SLC60A2: variants seen among roughly 807,000 people sequenced by gnomAD.
The protein encoded by SLC60A2 is major facilitator superfamily domain containing 4B.
the SLC60A2 span, chr6:111,259,626 C>T: frequency 1.3e-5 from 19 of 1,489,844 alleles, no homozygotes; most frequent in East Asian, 3.1e-4. Context: ...GGAGAATGAG[C>T]CGGAGCCGGA....
At chr6:111,274,199 C>CAT in the SLC60A2 span, among the ~76,000 whole-genome samples, 1 of 152,104 alleles carries the variant, frequency 6.6e-6, no homozygotes, top group Non-Finnish European at 1.5e-5. Context: ...GTGTTCGGTG[C>CAT]ATATATATTT....
the SLC60A2 span, among the ~76,000 whole-genome samples, chr6:111,260,575 C>T: frequency 5.9e-5 from 9 of 152,314 alleles, no homozygotes; most frequent in East Asian, 1.7e-3. Flanking sequence ...TGCCAAACCC[C>T]TGGGTCGCCA....
chr6:111,262,181 A>C, the SLC60A2 span: 1 of 1,198,490 alleles, frequency 8.3e-7, no homozygotes, highest in Non-Finnish European at 1.2e-6. Context: ...TTTTTTTTAT[A>C]GTGGAAGAAA....
chr6:111,265,475 A>G, the SLC60A2 span: 1 of 766,558 alleles, frequency 1.3e-6, no homozygotes, highest in South Asian at 5.9e-5. Context: ...AACAGCAAGT[A>G]CAGAAAGCTT....
At chr6:111,267,989 C>T in the SLC60A2 span, 1 of 152,248 alleles carries the variant, frequency 6.6e-6, no homozygotes, top group African/African-American at 2.4e-5. Context: ...CACTCTGTCA[C>T]TTAACGTAGG....
the SLC60A2 span, among the ~76,000 whole-genome samples, chr6:111,273,187 G>T: frequency 6.6e-6 from 1 of 152,184 alleles, no homozygotes; most frequent in Non-Finnish European, 1.5e-5. Context: ...GTCTTGCTCT[G>T]TTGCTCAGGC....
the SLC60A2 span, chr6:111,266,838 A>G: frequency 1.2e-6 from 2 of 1,613,984 alleles, no homozygotes; most frequent in Non-Finnish European, 1.7e-6. Context: ...TGAGGACCAG[A>G]AAGCTCTGCT....
At chr6:111,276,360 A>G in the SLC60A2 span, among the ~76,000 whole-genome samples, 2 of 152,074 alleles carry the variant, frequency 1.3e-5, no homozygotes, top group African/African-American at 4.8e-5. Context: ...TTTGTCTTAG[A>G]TTTTTTTCTT....
At chr6:111,268,198 A>G in the SLC60A2 span, 4 of 152,276 alleles carry the variant, frequency 2.6e-5, no homozygotes, top group Non-Finnish European at 4.4e-5. Context: ...ATAAATGATT[A>G]CATGTCAATT....
the SLC60A2 span, among the ~76,000 whole-genome samples, chr6:111,277,650 C>G: frequency 6.6e-6 from 1 of 152,164 alleles, no homozygotes; most frequent in Non-Finnish European, 1.5e-5. Flanking sequence ...GAGCCAGTAA[C>G]TCTTATTGTA....
chr6:111,262,110 TA>T, the SLC60A2 span: 6 of 542,022 alleles, frequency 1.1e-5, no homozygotes, highest in Non-Finnish European at 9.1e-6. Flanking sequence ...TAGTCAAAAC[TA>T]AAAAAACAGT....
At chr6:111,261,669 C>T in the SLC60A2 span, among the ~76,000 whole-genome samples, 2 of 152,130 alleles carry the variant, frequency 1.3e-5, no homozygotes, top group African/African-American at 4.8e-5. Flanking sequence ...TCTCGGCTCA[C>T]TGCAACCTCC....
the SLC60A2 span, chr6:111,259,789 C>G: frequency 3.3e-6 from 5 of 1,493,834 alleles, no homozygotes; most frequent in South Asian, 2.5e-5. Context: ...TCGCCACTTG[C>G]AAACTGACCT....
the SLC60A2 span, among the ~76,000 whole-genome samples, chr6:111,277,600 T>C: frequency 6.6e-6 from 1 of 152,310 alleles, no homozygotes; most frequent in South Asian, 2.1e-4. Context: ...TTTTTCTATT[T>C]TAAGTAAAAT....
the SLC60A2 span, among the ~76,000 whole-genome samples, chr6:111,261,835 G>A: frequency 4.6e-5 from 7 of 152,042 alleles, no homozygotes; most frequent in Non-Finnish European, 8.8e-5. Flanking sequence ...CTCGTGATCC[G>A]CCTGCTTCGG....
chr6:111,261,053 A>G, the SLC60A2 span, among the ~76,000 whole-genome samples: 1 of 152,210 alleles, frequency 6.6e-6, no homozygotes, highest in Non-Finnish European at 1.5e-5. Context: ...ATTTCCTCTG[A>G]AAGTCAATTG....
At chr6:111,263,857 G>A in the SLC60A2 span, 22 of 1,608,948 alleles carry the variant, frequency 1.4e-5, no homozygotes, top group East Asian at 2.2e-5. Context: ...ACCACCGTTG[G>A]TCTTTATCTT....
At chr6:111,273,759 T>C in the SLC60A2 span, among the ~76,000 whole-genome samples, 4 of 152,110 alleles carry the variant, frequency 2.6e-5, no homozygotes, top group Non-Finnish European at 5.9e-5. Flanking sequence ...AGAGTCTCAC[T>C]CTGTTACCCA....
At chr6:111,267,398 C>T in the SLC60A2 span, 1 of 284,610 alleles carries the variant, frequency 3.5e-6, no homozygotes, top group Non-Finnish European at 6.5e-6. Flanking sequence ...CCTCAGAGCA[C>T]CCAAAGAAGG....
Sources: allele counts gnomAD v4.1 joint callset (sites outside exome capture counted in the v4.1 genomes callset), GRCh38; gene constraint gnomAD v4.1.1; transcripts MANE v1.5; gene names NCBI Gene and HGNC (gene_info 2026-07-23, HGNC 2026-07-21).